The following PRPS2 variants were observed in gnomAD, a reference collection of about 807,000 sequenced individuals.
PRPS2 encodes the protein phosphoribosyl pyrophosphate synthetase 2, also known as ribose-phosphate pyrophosphokinase 2.
For missense variants in PRPS2, 104 were observed against 271.5 expected (o/e 0.38, Z 4.34); for synonymous variants, 111 against 115.3 (o/e 0.96, Z 0.24).
chrX:12,822,671 CCTT>C (rs771425093), intron 6 of PRPS2, 30 bp from the exon 7 acceptor site: 1 of 1,141,516 alleles, frequency 8.8e-7, no homozygotes, highest in Non-Finnish European at 1.2e-6. Context: ...GTCCTGCTTC[CCTT>C]CTCCCTTTGT....
chrX:12,810,258 A>G (rs778488562), intron 4 of PRPS2, 112 bp downstream of exon 4: 42 of 1,009,539 alleles, frequency 4.2e-5, no homozygotes, highest in Non-Finnish European at 5.2e-5. Flanking sequence ...TTATTTTGCT[A>G]ATGAGCAAGT....
chrX:12,808,385 A>C (rs1036332850), intron 2 of PRPS2, among the ~76,000 whole-genome samples: 1 of 108,899 alleles, frequency 9.2e-6, no homozygotes, highest in African/African-American at 3.3e-5. Context: ...TTTGTGGCTG[A>C]TATATAGAAA....
At chrX:12,799,058 TTC>T (rs768726256) in intron 1 of PRPS2, 147 bp from the exon 2 acceptor site, 1 of 520,553 alleles carries the variant, frequency 1.9e-6, no homozygotes, top group Non-Finnish European at 3.1e-6. Flanking sequence ...TCTGTGTCCT[TTC>T]TCTGCAATAA....
chrX:12,806,849 G>A (rs1569095788), intron 2 of PRPS2, among the ~76,000 whole-genome samples: 1 of 112,028 alleles, frequency 8.9e-6, no homozygotes, highest in Non-Finnish European at 1.9e-5. Context: ...AGCACTTTGG[G>A]AGGCTGAGGT....
At chrX:12,801,217 C>T (rs12687586) in intron 2 of PRPS2, among the ~76,000 whole-genome samples, 11,639 of 49,637 alleles carry the variant, frequency 0.23, 493 homozygotes, top group East Asian at 0.45. Context: ...AGATTGCGTG[C>T]GCACGTGTGT....
chrX:12,819,917 G>A (rs2042667606), intron 5 of PRPS2, among the ~76,000 whole-genome samples: 2 of 112,397 alleles, frequency 1.8e-5, no homozygotes, highest in African/African-American at 6.5e-5. Flanking sequence ...GGTCAAAGAA[G>A]GTGCTTCCCT....
intron 4 of PRPS2, among the ~76,000 whole-genome samples, chrX:12,817,468 T>TTAA (rs1555903712): frequency 5.9e-5 from 4 of 67,276 alleles, no homozygotes; most frequent in Non-Finnish European, 1.1e-4. Flanking sequence ...ATGTTCCTCA[T>TTAA]AAAAAAAAAA....
intron 2 of PRPS2, among the ~76,000 whole-genome samples, chrX:12,805,072 T>G (rs778376682): frequency 1.8e-5 from 2 of 112,431 alleles, no homozygotes; most frequent in Non-Finnish European, 3.8e-5. Context: ...TAACATTTTA[T>G]TTGGGGTTTT....
chrX:12,817,754 G>A (rs1383971340), intron 4 of PRPS2, among the ~76,000 whole-genome samples: 2 of 111,919 alleles, frequency 1.8e-5, no homozygotes, highest in African/African-American at 3.2e-5. Context: ...CTATGCAGCC[G>A]TGTGGATGGA....
At chrX:12,800,570 T>C (rs756595050) in intron 2 of PRPS2, among the ~76,000 whole-genome samples, 3 of 111,318 alleles carry the variant, frequency 2.7e-5, no homozygotes, top group Non-Finnish European at 3.8e-5. Flanking sequence ...TAGATAGATG[T>C]TCAGCCAGGC....
chrX:12,798,673 C>T (rs1380009254), intron 1 of PRPS2, among the ~76,000 whole-genome samples: 1 of 111,873 alleles, frequency 8.9e-6, no homozygotes, highest in Non-Finnish European at 1.9e-5. Context: ...TAGGCCTGTT[C>T]GCAAGGTTGG....
chrX:12,809,445 C>G (rs2042611581), intron 3 of PRPS2, 113 bp downstream of exon 3: 1 of 714,379 alleles, frequency 1.4e-6, no homozygotes, highest in Admixed American at 3.6e-5. Context: ...GGATTTTTGT[C>G]TTTACTAAAC....
intron 2 of PRPS2, among the ~76,000 whole-genome samples, chrX:12,803,847 G>A (rs976500323): frequency 8.9e-6 from 1 of 111,934 alleles, no homozygotes; most frequent in Non-Finnish European, 1.9e-5. Flanking sequence ...CTTTGAGATA[G>A]TACATATCAT....
intron 1 of PRPS2, among the ~76,000 whole-genome samples, chrX:12,797,045 A>C (rs753620204): frequency 9.5e-4 from 105 of 110,102 alleles, no homozygotes; most frequent in African/African-American, 3.3e-3. Flanking sequence ...ATGGTAAAAC[A>C]CTGACATGTA....
In PRPS2 at chrX:12,820,665, C is replaced by A; in HGVS notation, c.726C>A (p.Thr242=). The part of the protein sequence containing the change: ...AADKLLSAGA[T]KVYAILTHGI... The stretch of plus-strand genomic sequence containing the variant: ...ACAGGCTGCTGTCAGCTGGAGCCAC[C>A]AAAGTGTATGCTATCCTTACCCATG... Residue 242 remains threonine, a synonymous_variant, in exon 6 of 7, where the codon ACC becomes ACA. Transcript: ENST00000380668. 1.7e-6 allele frequency: 2 copies of A among 1,206,790 alleles called. No homozygotes were observed. The highest frequency in any genetic ancestry group is 2.2e-6 in the Non-Finnish European group (2 of 893,893).
intron 4 of PRPS2, among the ~76,000 whole-genome samples, chrX:12,810,862 A>AG (rs1341130552): frequency 1.8e-5 from 2 of 109,950 alleles, no homozygotes; most frequent in Non-Finnish European, 3.8e-5. Flanking sequence ...AAAAAAAAAA[A>AG]AAGAAGAAGA....
At chrX:12,798,772 T>C (rs1398116951) in intron 1 of PRPS2, among the ~76,000 whole-genome samples, 1 of 111,720 alleles carries the variant, frequency 9.0e-6, no homozygotes, top group Non-Finnish European at 1.9e-5. Context: ...TCTTAAACAA[T>C]TGATAAACAA....
At chrX:12,799,450 C>T in intron 2 of PRPS2, 60 bp downstream of exon 2, 2 of 1,065,841 alleles carry the variant, frequency 1.9e-6, no homozygotes, top group Non-Finnish European at 2.5e-6. Context: ...TGTTTTTCCT[C>T]ATTTATCCCC....
At chrX:12,822,572 G>A (rs2042681352) in intron 6 of PRPS2, 132 bp from the exon 7 acceptor site, 1 of 600,764 alleles carries the variant, frequency 1.7e-6, no homozygotes, top group Admixed American at 2.8e-5. Flanking sequence ...AAAAGTGTCG[G>A]AAGTTTTGAT....
Sources: allele counts gnomAD v4.1 joint callset (sites outside exome capture counted in the v4.1 genomes callset), GRCh38; gene constraint gnomAD v4.1.1; transcripts MANE v1.5; gene names NCBI Gene and HGNC (gene_info 2026-07-23, HGNC 2026-07-21).